The following SETBP1 variants were observed in gnomAD, a reference collection of about 807,000 sequenced individuals.
SETBP1 encodes SET-binding protein.
A neutral mutation model predicts 101.0 loss-of-function variants in SETBP1; 9 were observed. That is an observed-to-expected ratio of 0.09 (90% CI 0.05 to 0.16). SETBP1 has a LOEUF of 0.16. Among genes scored for constraint, SETBP1 ranks in the 10% least tolerant of loss-of-function variants. The probability of loss-of-function intolerance (pLI) is 1.00; values close to 1 mark genes in which losing one functional copy is unlikely to be tolerated. For synonymous variants in SETBP1, 818 were observed against 788.5 expected (o/e 1.04, Z -0.63); for missense variants, 1,858 against 2,033.8 (o/e 0.91, Z 1.66).
At chr18:45,054,318 G>C (rs1362947087) in intron 5 of SETBP1, among the ~76,000 whole-genome samples, 1 of 152,054 alleles carries the variant, frequency 6.6e-6, no homozygotes, top group East Asian at 1.9e-4. Flanking sequence ...CTCCTGAGTA[G>C]CTGGGATTGC....
At chr18:45,011,178 G>A (rs937937141) in intron 4 of SETBP1, among the ~76,000 whole-genome samples, 9 of 152,128 alleles carry the variant, frequency 5.9e-5, no homozygotes, top group Non-Finnish European at 1.2e-4. Flanking sequence ...ACAGGACTAC[G>A]TTGTTAGAAT....
intron 4 of SETBP1, among the ~76,000 whole-genome samples, chr18:44,980,884 T>C (rs1307438707): frequency 1.3e-5 from 2 of 152,184 alleles, no homozygotes; most frequent in African/African-American, 4.8e-5. Context: ...CTAGCTCTCA[T>C]GGACAGGCTG....
chr18:44,797,155 A>G (rs894950785), intron 2 of SETBP1, among the ~76,000 whole-genome samples: 6 of 152,214 alleles, frequency 3.9e-5, no homozygotes, highest in African/African-American at 1.4e-4. Flanking sequence ...CAATGTAAAG[A>G]GAGAACTGTT....
intron 4 of SETBP1, among the ~76,000 whole-genome samples, chr18:44,980,112 G>A (rs2072079351): frequency 6.6e-6 from 1 of 152,178 alleles, no homozygotes; most frequent in Non-Finnish European, 1.5e-5. Flanking sequence ...AAAGCCAGGA[G>A]CCTATAATAT....
At chr18:44,988,858 G>C (rs2145271856) in intron 4 of SETBP1, 1 of 152,206 alleles carries the variant, frequency 6.6e-6, no homozygotes, top group East Asian at 1.9e-4. Context: ...ATGAATAGGG[G>C]GTCAGGGGAG....
intron 5 of SETBP1, among the ~76,000 whole-genome samples, chr18:45,042,539 G>T (rs2073530295): frequency 6.6e-6 from 1 of 152,106 alleles, no homozygotes; most frequent in Non-Finnish European, 1.5e-5. Flanking sequence ...TTTCAAATAG[G>T]TGATCTTTGG....
At chr18:44,739,545 A>G (rs1463767742) in intron 2 of SETBP1, among the ~76,000 whole-genome samples, 1 of 152,202 alleles carries the variant, frequency 6.6e-6, no homozygotes, top group Non-Finnish European at 1.5e-5. Context: ...AGATACTTGT[A>G]TATTTGTAAA....
intron 3 of SETBP1, among the ~76,000 whole-genome samples, chr18:44,926,942 G>C (rs1329686727): frequency 6.6e-6 from 1 of 152,138 alleles, no homozygotes; most frequent in Non-Finnish European, 1.5e-5. Flanking sequence ...GGCTTGCCGG[G>C]TGCCCAGAGG....
intron 2 of SETBP1, among the ~76,000 whole-genome samples, chr18:44,712,630 G>A (rs1244922312): frequency 6.6e-6 from 1 of 152,128 alleles, no homozygotes; most frequent in Admixed American, 6.5e-5. Flanking sequence ...TGTGTCATCA[G>A]GTTCCTGAAC....
intron 2 of SETBP1, among the ~76,000 whole-genome samples, chr18:44,853,330 T>TA (rs1421943016): frequency 6.6e-6 from 1 of 152,206 alleles, no homozygotes; most frequent in Non-Finnish European, 1.5e-5. Context: ...TTTCATCTGT[T>TA]AATGTGGTAC....
chr18:44,864,671 T>G (rs1182897060), intron 2 of SETBP1, among the ~76,000 whole-genome samples: 1 of 152,148 alleles, frequency 6.6e-6, no homozygotes, highest in Non-Finnish European at 1.5e-5. Flanking sequence ...CTTTTAAATG[T>G]AATTCTGTCT....
intron 3 of SETBP1, chr18:44,869,653 C>T (rs2069227640): frequency 2.9e-6 from 1 of 342,482 alleles, no homozygotes; most frequent in East Asian, 7.3e-5. Context: ...ACAGGACACT[C>T]GCATGTCTGT....
chr18:44,912,782 C>T (rs982414119), intron 3 of SETBP1, among the ~76,000 whole-genome samples: 2 of 152,170 alleles, frequency 1.3e-5, no homozygotes, highest in Non-Finnish European at 2.9e-5. Context: ...TGTGCACCAT[C>T]GTGTACACAA....
At chr18:44,828,761 A>G (rs1038236137) in intron 2 of SETBP1, among the ~76,000 whole-genome samples, 10 of 152,230 alleles carry the variant, frequency 6.6e-5, no homozygotes, top group African/African-American at 2.4e-4. Flanking sequence ...GCGGTTAAGT[A>G]AGGTTATAAG....
chr18:44,793,269 C>T (rs937898778), intron 2 of SETBP1, among the ~76,000 whole-genome samples: 6 of 152,210 alleles, frequency 3.9e-5, no homozygotes, highest in African/African-American at 1.4e-4. Context: ...TAAACCTTTG[C>T]TGCACATTAA....
chr18:44,858,687 T>C (rs2144624005), intron 2 of SETBP1, among the ~76,000 whole-genome samples: 1 of 152,336 alleles, frequency 6.6e-6, no homozygotes, highest in South Asian at 2.1e-4. Context: ...TGCATCCTGC[T>C]GTCCAGCTCC....
At chr18:44,820,133 C>T (rs1014437566) in intron 2 of SETBP1, among the ~76,000 whole-genome samples, 3 of 152,200 alleles carry the variant, frequency 2.0e-5, no homozygotes, top group South Asian at 2.1e-4. Context: ...CATTCCTCAC[C>T]AGGGCAGCCC....
intron 2 of SETBP1, among the ~76,000 whole-genome samples, chr18:44,737,044 A>G (rs150424392): frequency 1.0e-3 from 157 of 152,346 alleles, no homozygotes; most frequent in Admixed American, 2.2e-3. Flanking sequence ...ACATCTTTGT[A>G]AAAGAATAAA....
chr18:44,967,625 C>G (rs1054691318), intron 4 of SETBP1, among the ~76,000 whole-genome samples: 2 of 152,162 alleles, frequency 1.3e-5, no homozygotes, highest in Non-Finnish European at 2.9e-5. Context: ...AAGGATCCAC[C>G]TCAGAGGTCA....
Sources: allele counts gnomAD v4.1 joint callset (sites outside exome capture counted in the v4.1 genomes callset), GRCh38; gene constraint gnomAD v4.1.1; transcripts MANE v1.5; gene names NCBI Gene and HGNC (gene_info 2026-07-23, HGNC 2026-07-21).